Variants in RFFL observed in about 807,000 individuals in gnomAD.
The protein encoded by RFFL is ring finger and FYVE like domain containing E3 ubiquitin protein ligase.
Under a neutral mutation model 40.4 loss-of-function variants are expected in RFFL, and 16 were observed. The ratio of observed to expected loss-of-function variants is 0.40; its 90% CI spans 0.27 to 0.60. RFFL has a LOEUF of 0.60. RFFL is among the 20% of genes least tolerant of loss of function. The probability of loss-of-function intolerance (pLI) is 0.47; values close to 1 mark genes in which losing one functional copy is unlikely to be tolerated. For missense variants in RFFL, 367 were observed against 451.7 expected, an observed-to-expected ratio of 0.81 and a Z score of 1.70; for synonymous variants, 154 against 167.9, an observed-to-expected ratio of 0.92 and a Z score of 0.64.
intron 1 of RFFL, among the ~76,000 whole-genome samples, chr17:35,074,853 A>G (rs139643381): frequency 2.0e-5 from 3 of 152,344 alleles, no homozygotes; most frequent in East Asian, 3.9e-4. Flanking sequence ...CCTAACTCCC[A>G]CTGAAGAATG....
intron 1 of RFFL, among the ~76,000 whole-genome samples, chr17:35,087,614 C>A (rs899090502): frequency 2.0e-5 from 3 of 152,100 alleles, no homozygotes; most frequent in African/African-American, 7.2e-5. Context: ...ATTAGACGGG[C>A]ATTAAAATGA....
intron 6 of RFFL, among the ~76,000 whole-genome samples, chr17:35,013,570 A>G (rs1230333582): frequency 6.6e-6 from 1 of 152,208 alleles, no homozygotes; most frequent in South Asian, 2.1e-4. Flanking sequence ...TTTCTGGACT[A>G]TTAAAAAGTC....
In RFFL at chr17:35,010,761, A is replaced by G. The variant is rs2090932762; in HGVS notation, c.*1207T>C. Reference sequence around the variant, plus strand: ...AGTGAGACTCAAAAAAAAAAAAAAAATGCTTTCTCCCTGACCTGCCCCCAA... The same window carrying G: ...AGTGAGACTCAAAAAAAAAAAAAAAGTGCTTTCTCCCTGACCTGCCCCCAA... On this transcript the variant is annotated 3_prime_UTR_variant, in exon 7 of 7. Transcript: ENST00000394597. The G allele has an allele frequency of 6.6e-6, 1 of 151,084 alleles. No individual in the cohort carries two copies. Among genetic ancestry groups the G allele is most frequent in the Non-Finnish European group, 1.5e-5 (1 of 67,872 alleles). 9.4% of individuals were successfully genotyped at this position (151,084 alleles called of 1,614,324 possible). A position where few individuals can be genotyped will look rare whatever the true frequency, so the allele number is the denominator to read the frequency against.
At chr17:35,074,497 A>T (rs1361765489) in intron 1 of RFFL, 1 of 152,130 alleles carries the variant, frequency 6.6e-6, no homozygotes, top group Non-Finnish European at 1.5e-5. Context: ...ATCCTGACGG[A>T]GTGTGAGGCA....
At chr17:35,023,870 A>C (rs766128660) in intron 2 of RFFL, among the ~76,000 whole-genome samples, 2 of 152,230 alleles carry the variant, frequency 1.3e-5, no homozygotes, top group African/African-American at 2.4e-5. Context: ...ATAAGCTGGC[A>C]TCTGAAACAC....
At chr17:35,045,392 C>A (rs2091193184) in intron 1 of RFFL, among the ~76,000 whole-genome samples, 4 of 152,066 alleles carry the variant, frequency 2.6e-5, no homozygotes, top group Admixed American at 2.6e-4. Context: ...GCCACCATGC[C>A]TGGCTAATTT....
chr17:35,011,640 T>G lies in RFFL; in HGVS notation c.*328A>C. 3.9e-6 allele frequency: 1 copy of G among 255,916 alleles called. No homozygotes were observed. The highest frequency in any genetic ancestry group is 6.2e-5 in the South Asian group (1 of 16,088). The allele number at this position is 255,916 out of a possible 1,614,324, so 15.9% of individuals were successfully genotyped here. A position where few individuals can be genotyped will look rare whatever the true frequency, so the allele number is the denominator to read the frequency against. Reference sequence around the variant, plus strand: ...GATGGGTTGGGTACAGGAGGAGGGGTGAAACTGTCTAGGTTCAGGGAGGAA... The same window carrying G: ...GATGGGTTGGGTACAGGAGGAGGGGGGAAACTGTCTAGGTTCAGGGAGGAA... On this transcript the variant is annotated 3_prime_UTR_variant, in exon 7 of 7. Coordinates refer to ENST00000394597, the MANE Select transcript of RFFL (RefSeq NM_001017368.2).
chr17:35,049,903 G>A (rs1408290510), intron 1 of RFFL, among the ~76,000 whole-genome samples: 2 of 151,998 alleles, frequency 1.3e-5, no homozygotes, highest in African/African-American at 2.4e-5. Context: ...CCAACATGGC[G>A]AAACCCTGTC....
intron 1 of RFFL, among the ~76,000 whole-genome samples, chr17:35,059,362 C>G (rs1273826500): frequency 6.6e-6 from 1 of 152,138 alleles, no homozygotes; most frequent in Non-Finnish European, 1.5e-5. Context: ...AGAAAGAGAA[C>G]TCACAGAGAA....
chr17:35,034,116 C>T (rs2091104104), intron 1 of RFFL, among the ~76,000 whole-genome samples: 1 of 151,790 alleles, frequency 6.6e-6, no homozygotes, highest in Non-Finnish European at 1.5e-5. Flanking sequence ...GTACTCCAGT[C>T]TGGGTGACAG....
chr17:35,077,915 T>C (rs1451240290), intron 1 of RFFL, among the ~76,000 whole-genome samples: 2 of 152,254 alleles, frequency 1.3e-5, no homozygotes, highest in Non-Finnish European at 2.9e-5. Context: ...ACCTAGCTTC[T>C]GGTCTGCAAG....
At chr17:35,014,409 C>G (rs2090960371) in intron 6 of RFFL, among the ~76,000 whole-genome samples, 1 of 152,152 alleles carries the variant, frequency 6.6e-6, no homozygotes, top group Non-Finnish European at 1.5e-5. Flanking sequence ...ACTGAAAACA[C>G]CAAGATTTTA....
chr17:35,076,363 T>C (rs1056031888), intron 1 of RFFL, among the ~76,000 whole-genome samples: 1 of 152,058 alleles, frequency 6.6e-6, no homozygotes, highest in Non-Finnish European at 1.5e-5. Flanking sequence ...AGCCCTGCTC[T>C]GCAAGGAGCA....
At chr17:35,014,104 C>T (rs2090958161) in intron 6 of RFFL, among the ~76,000 whole-genome samples, 1 of 152,170 alleles carries the variant, frequency 6.6e-6, no homozygotes, top group South Asian at 2.1e-4. Flanking sequence ...CTTTTGAAAA[C>T]ACATAGCATA....
intron 1 of RFFL, among the ~76,000 whole-genome samples, chr17:35,030,020 CTCA>C (rs1318878909): frequency 1.3e-5 from 2 of 150,456 alleles, no homozygotes; most frequent in African/African-American, 5.0e-5. Flanking sequence ...AGGACATGAA[CTCA>C]TCATTTTTTA....
At chr17:35,072,584 CAT>C (rs1555564586) in intron 1 of RFFL, among the ~76,000 whole-genome samples, 2 of 147,124 alleles carry the variant, frequency 1.4e-5, no homozygotes, top group Admixed American at 6.6e-5. Flanking sequence ...CACACACACA[CAT>C]GCACACACAC....
Position 35,007,266 on chromosome 17 carries a change from G to A in RFFL, c.*4702C>T, listed in dbSNP as rs1226958846. 1 of 152,304 alleles carries A rather than the reference G, an allele frequency of 6.6e-6. No homozygotes were observed. Among genetic ancestry groups the A allele is most frequent in the Non-Finnish European group, 1.5e-5 (1 of 68,082 alleles). 9.4% of individuals were successfully genotyped at this position (152,304 alleles called of 1,614,324 possible). A position where few individuals can be genotyped will look rare whatever the true frequency, so the allele number is the denominator to read the frequency against. ...ATCATCTTGTCCCTTCTCTGCCTTA[G>A]TGTGTGTTATTGCCATTTCAATGTC... On this transcript the variant is annotated 3_prime_UTR_variant, in exon 7 of 7. Transcript: ENST00000394597.
chr17:35,049,086 C>A (rs1297652875), intron 1 of RFFL, among the ~76,000 whole-genome samples: 2 of 152,144 alleles, frequency 1.3e-5, no homozygotes, highest in Non-Finnish European at 2.9e-5. Flanking sequence ...CTATATCCCA[C>A]AACAAAATGC....
intron 1 of RFFL, among the ~76,000 whole-genome samples, chr17:35,051,591 T>G (rs764130830): frequency 1.3e-5 from 2 of 152,198 alleles, no homozygotes; most frequent in Non-Finnish European, 2.9e-5. Flanking sequence ...TTCCCATGCT[T>G]CGTACTGACA....
Sources: allele counts gnomAD v4.1 joint callset (sites outside exome capture counted in the v4.1 genomes callset), GRCh38; gene constraint gnomAD v4.1.1; transcripts MANE v1.5; gene names NCBI Gene and HGNC (gene_info 2026-07-23, HGNC 2026-07-21).